The following CCSER1 variants were observed in gnomAD, a reference collection of about 807,000 sequenced individuals.
The protein encoded by CCSER1 is coiled-coil serine rich protein 1, also known as serine-rich coiled-coil domain-containing protein 1.
Under a neutral mutation model 82.0 loss-of-function variants are expected in CCSER1, and 41 were observed. The observed-to-expected ratio is 0.50, with a 90% CI of 0.39 to 0.65. The LOEUF (loss-of-function observed/expected upper bound fraction) is 0.65. Ranked by LOEUF, CCSER1 falls within the 30% of genes least tolerant of loss-of-function variation. CCSER1 has a pLI of 0.00. For missense variants in CCSER1, 1,119 were observed against 1,064.2 expected (o/e 1.05, Z -0.72); for synonymous variants, 414 against 383.9 (o/e 1.08, Z -0.92).
At chr4:90,843,969 G>C (rs1580741287) in intron 8 of CCSER1, among the ~76,000 whole-genome samples, 2 of 152,028 alleles carry the variant, frequency 1.3e-5, no homozygotes, top group African/African-American at 2.4e-5. Context: ...GTACTCTTGA[G>C]ACTCAGCCAA....
At chr4:91,571,370 T>TTACTC (rs1374052389) in intron 10 of CCSER1, among the ~76,000 whole-genome samples, 1 of 152,172 alleles carries the variant, frequency 6.6e-6, no homozygotes, top group Non-Finnish European at 1.5e-5. Flanking sequence ...TGGTAGCAAT[T>TTACTC]TACTCTATTA....
chr4:90,841,971 G>C lies in CCSER1; in HGVS notation c.2094+26126G>C, dbSNP rs181512324. On this transcript the variant is annotated intron_variant, in intron 8 of 10. Coordinates refer to ENST00000509176, the MANE Select transcript of CCSER1 (RefSeq NM_001145065.2). ...TATTGTGTTTAATCTACATTCTGCT[G>C]TCTGTCTTTTCATATTTCCCTTTTC... Among the ~76,000 whole-genome samples the C allele has an allele frequency of 3.3e-5, 5 of 152,108 alleles. No individual in the cohort carries two copies. The East Asian group carries it at 9.7e-4, about 29-fold the overall frequency.
intron 1 of CCSER1, among the ~76,000 whole-genome samples, chr4:90,270,137 T>C (rs752158951): frequency 1.3e-5 from 2 of 151,972 alleles, no homozygotes; most frequent in Non-Finnish European, 2.9e-5. Flanking sequence ...CCAAATATTA[T>C]AGGAAGTGGG....
chr4:90,577,146 C>G (rs964315113), intron 5 of CCSER1, among the ~76,000 whole-genome samples: 3 of 151,970 alleles, frequency 2.0e-5, no homozygotes, highest in African/African-American at 7.2e-5. Flanking sequence ...TTTTTATATG[C>G]TTATTTCTTG....
At chr4:90,557,006 T>G (rs1778223474) in intron 5 of CCSER1, among the ~76,000 whole-genome samples, 1 of 151,974 alleles carries the variant, frequency 6.6e-6, no homozygotes, top group Non-Finnish European at 1.5e-5. Flanking sequence ...TGATATATAA[T>G]TTATTTATAT....
chr4:91,015,661 T>G (rs1018623509), intron 9 of CCSER1, among the ~76,000 whole-genome samples: 5 of 151,908 alleles, frequency 3.3e-5, no homozygotes, highest in African/African-American at 1.2e-4. Flanking sequence ...CAGGTACCTA[T>G]TATAAAATCT....
chr4:91,478,056 G>T (rs1168750983), intron 10 of CCSER1, among the ~76,000 whole-genome samples: 1 of 151,670 alleles, frequency 6.6e-6, no homozygotes, highest in Non-Finnish European at 1.5e-5. Context: ...CATATTTATT[G>T]GTTTATAAGT....
chr4:90,333,829 G>A (rs766043995), intron 3 of CCSER1, among the ~76,000 whole-genome samples: 9 of 152,110 alleles, frequency 5.9e-5, no homozygotes, highest in Non-Finnish European at 8.8e-5. Context: ...GAGTAATATT[G>A]GAAAGTTGGA....
At chr4:91,455,053 C>A (rs1371250345) in intron 10 of CCSER1, among the ~76,000 whole-genome samples, 1 of 151,986 alleles carries the variant, frequency 6.6e-6, no homozygotes, top group African/African-American at 2.4e-5. Flanking sequence ...ATTGCTGGAT[C>A]ATGTTTTGTA....
chr4:90,945,832 T>A (rs1184630808), intron 9 of CCSER1, among the ~76,000 whole-genome samples: 1 of 152,198 alleles, frequency 6.6e-6, no homozygotes, highest in Non-Finnish European at 1.5e-5. Flanking sequence ...CATTTTTTTT[T>A]AATCTATGTC....
chr4:91,449,777 A>C (rs1330598134), intron 10 of CCSER1, among the ~76,000 whole-genome samples: 1 of 152,064 alleles, frequency 6.6e-6, no homozygotes, highest in East Asian at 1.9e-4. Context: ...AGTTTGTTGA[A>C]ATTTTATGAA....
rs1739154206 is a variant in CCSER1, at chr4:91,013,375, A to G, written c.2173-72575A>G. Among the ~76,000 whole-genome samples, 2 of 132,968 alleles carry G rather than the reference A, an allele frequency of 1.5e-5. 1 individual carries two copies. The highest frequency in any genetic ancestry group is 4.8e-4 in the East Asian group (2 of 4,172). 87.2% of individuals were successfully genotyped at this position (132,968 alleles called of 152,430 possible). A position where few individuals can be genotyped will look rare whatever the true frequency, so the allele number is the denominator to read the frequency against. On this transcript the variant is annotated intron_variant, in intron 9 of 10. Transcript: ENST00000509176. The stretch of plus-strand genomic sequence containing the variant: ...CACTCTTGTTGAAGATCATTTGACT[A>G]TATATGCATAAGTCTATTTCAACCT...
intron 10 of CCSER1, among the ~76,000 whole-genome samples, chr4:91,265,322 C>A (rs1408778598): frequency 6.6e-6 from 1 of 151,934 alleles, no homozygotes; most frequent in East Asian, 1.9e-4. Context: ...TAATACAAAA[C>A]CCCATTAAGT....
intron 6 of CCSER1, among the ~76,000 whole-genome samples, chr4:90,695,529 A>G (rs1320054082): frequency 2.0e-5 from 3 of 151,996 alleles, no homozygotes; most frequent in Non-Finnish European, 4.4e-5. Context: ...TCAGACCTAG[A>G]AAGGAGTAAG....
intron 10 of CCSER1, among the ~76,000 whole-genome samples, chr4:91,573,694 A>G (rs766413440): frequency 1.4e-4 from 21 of 152,102 alleles, no homozygotes; most frequent in Non-Finnish European, 2.9e-4. Flanking sequence ...TTTGTTTTCC[A>G]TGGATCAAGT....
At chr4:90,451,271 G>A (rs1299971023) in intron 4 of CCSER1, among the ~76,000 whole-genome samples, 1 of 152,106 alleles carries the variant, frequency 6.6e-6, no homozygotes, top group African/African-American at 2.4e-5. Flanking sequence ...GTTCATCATG[G>A]AAATGCATCT....
At chr4:90,743,224 CT>C (rs1370906920) in intron 7 of CCSER1, among the ~76,000 whole-genome samples, 2 of 152,138 alleles carry the variant, frequency 1.3e-5, no homozygotes, top group African/African-American at 2.4e-5. Flanking sequence ...CAGAAACTTA[CT>C]TGTGTCCCTT....
chr4:90,893,306 G>GA (rs1322550561), intron 8 of CCSER1, among the ~76,000 whole-genome samples: 1 of 152,046 alleles, frequency 6.6e-6, no homozygotes. Flanking sequence ...AGAATGTAAG[G>GA]AAAGGACAGT....
At chr4:90,901,690 C>T (rs535727074) in intron 8 of CCSER1, among the ~76,000 whole-genome samples, 1 of 151,992 alleles carries the variant, frequency 6.6e-6, no homozygotes, top group South Asian at 2.1e-4. Context: ...GTAACTTGTC[C>T]CTTTTCTCAA....
Sources: allele counts gnomAD v4.1 joint callset (sites outside exome capture counted in the v4.1 genomes callset), GRCh38; gene constraint gnomAD v4.1.1; transcripts MANE v1.5; gene names NCBI Gene and HGNC (gene_info 2026-07-23, HGNC 2026-07-21).